Variants in AGMO observed in about 807,000 individuals in gnomAD.
AGMO encodes glyceryl-ether monooxygenase.
In AGMO, 75 loss-of-function variants were observed where a neutral mutation model predicts 60.2. The observed-to-expected ratio is 1.25, with a 90% confidence interval of 1.03 to 1.51. The LOEUF (loss-of-function observed/expected upper bound fraction) is 1.51, where lower values mean the gene tolerates loss of function less well. AGMO is among the 40% of genes most tolerant of loss of function. The probability of loss-of-function intolerance (pLI) is 0.00; values close to 1 mark genes in which losing one functional copy is unlikely to be tolerated. For missense variants in AGMO, 763 were observed against 525.5 expected (o/e 1.45, Z -4.42); for synonymous variants, 261 against 177.1 (o/e 1.47, Z -3.76).
intron 5 of AGMO, among the ~76,000 whole-genome samples, chr7:15,401,434 G>A (rs1784549902): frequency 6.6e-6 from 1 of 152,050 alleles, no homozygotes. Context: ...AAAATATTCA[G>A]TTTGTTCAAA....
chr7:15,488,468 C>A (rs892607517), intron 3 of AGMO, among the ~76,000 whole-genome samples: 1 of 152,116 alleles, frequency 6.6e-6, no homozygotes, highest in East Asian at 1.9e-4. Flanking sequence ...TTTAAGCTAG[C>A]AGCCTCAATA....
the AGMO span, among the ~76,000 whole-genome samples, chr7:15,174,519 C>T: frequency 1.3e-5 from 2 of 152,076 alleles, no homozygotes; most frequent in Non-Finnish European, 2.9e-5. Flanking sequence ...GGTAAGCTCT[C>T]CAACCCAGCT....
chr7:15,390,593 C>T, intron 8 of AGMO, 78 bp downstream of exon 8: 2 of 1,189,396 alleles, frequency 1.7e-6, no homozygotes, highest in East Asian at 2.4e-5. Flanking sequence ...TTTCACTTTT[C>T]TACAGCTGAT....
In AGMO at chr7:15,322,894, A is replaced by G. The variant is rs1407684096; in HGVS notation, c.1263+42620T>C. 4.1e-5 allele frequency among the ~76,000 whole-genome samples: 6 copies of G among 145,244 alleles called. No homozygotes were observed. In the East Asian group the frequency reaches 1.2e-3, roughly 29 times the overall value. On this transcript the variant is annotated intron_variant, in intron 12 of 12. Coordinates refer to ENST00000342526, the MANE Select transcript of AGMO (RefSeq NM_001004320.2). ...AATTATCAAAACTCTTTCTTGATAC[A>G]GGAAAAAATATATATATACACATAT...
intron 3 of AGMO, among the ~76,000 whole-genome samples, chr7:15,508,201 T>G (rs78746312): frequency 0.015 from 2,295 of 152,194 alleles, 59 homozygotes; most frequent in African/African-American, 0.052. Context: ...TTGTTTAAAA[T>G]AATAATACTT....
At chr7:15,190,837 C>A in the AGMO span, among the ~76,000 whole-genome samples, 1 of 151,528 alleles carries the variant, frequency 6.6e-6, no homozygotes, top group South Asian at 2.1e-4. Flanking sequence ...CCATTGCTCT[C>A]ATTTTTTTTT....
intron 12 of AGMO, among the ~76,000 whole-genome samples, chr7:15,304,258 C>G (rs1056465843): frequency 1.3e-5 from 2 of 152,100 alleles, no homozygotes; most frequent in Non-Finnish European, 2.9e-5. Context: ...CTTTTAAAGT[C>G]TCTTTCATCC....
chr7:15,181,380 T>G, the AGMO span, among the ~76,000 whole-genome samples: 1 of 152,164 alleles, frequency 6.6e-6, no homozygotes, highest in Non-Finnish European at 1.5e-5. Context: ...ACAAAACTAC[T>G]TCCTCCTGAG....
At chr7:15,529,487 T>A (rs1202043592) in intron 3 of AGMO, among the ~76,000 whole-genome samples, 1 of 141,326 alleles carries the variant, frequency 7.1e-6, no homozygotes, top group East Asian at 2.1e-4. Context: ...CCCTAGAGAT[T>A]CTAAGATTCT....
intron 3 of AGMO, among the ~76,000 whole-genome samples, chr7:15,484,670 C>T (rs950336517): frequency 2.6e-5 from 4 of 152,056 alleles, no homozygotes; most frequent in African/African-American, 7.2e-5. Context: ...AAAAAAGACA[C>T]GGCAGTAAAC....
chr7:15,538,205 G>A (rs1191853918), intron 3 of AGMO, among the ~76,000 whole-genome samples: 3 of 152,018 alleles, frequency 2.0e-5, no homozygotes, highest in Non-Finnish European at 4.4e-5. Flanking sequence ...TACCCTAAGT[G>A]ATCCACTAAG....
the AGMO span, among the ~76,000 whole-genome samples, chr7:15,194,460 C>T: frequency 1.3e-5 from 2 of 151,742 alleles, no homozygotes; most frequent in Non-Finnish European, 2.9e-5. Flanking sequence ...GTGCATATGC[C>T]CTCTGCAGTT....
chr7:15,218,726 C>T (rs1781823694), intron 12 of AGMO, among the ~76,000 whole-genome samples: 1 of 151,994 alleles, frequency 6.6e-6, no homozygotes, highest in African/African-American at 2.4e-5. Context: ...AGGTGATATT[C>T]CTGCTGGCCT....
intron 12 of AGMO, among the ~76,000 whole-genome samples, chr7:15,359,056 A>G (rs1263573574): frequency 6.6e-6 from 1 of 152,108 alleles, no homozygotes; most frequent in Non-Finnish European, 1.5e-5. Flanking sequence ...TTGGGAGGCC[A>G]AGACAGGCGG....
At position 15,355,318 on chromosome 7, in the gene AGMO, C is replaced by T. The variant is rs527870907; in HGVS notation, c.1263+10196G>A. ...GAGATCGAGACCATCCTGGCTAACACGGTGAAACGCTGTCTCTACTAAAAA... is the reference window on the plus strand; with the variant it reads ...GAGATCGAGACCATCCTGGCTAACATGGTGAAACGCTGTCTCTACTAAAAA... On this transcript the variant is annotated intron_variant, in intron 12 of 12. Transcript: ENST00000342526. 2.2e-4 allele frequency among the ~76,000 whole-genome samples: 34 copies of T among 151,818 alleles called. No individual in the cohort carries two copies. In the South Asian group the frequency reaches 3.5e-3, roughly 16 times the overall value.
chr7:15,130,790 ATATGTCTGGCATTTATGTGTGTGC>A, the AGMO span, among the ~76,000 whole-genome samples: 1 of 152,142 alleles, frequency 6.6e-6, no homozygotes, highest in African/African-American at 2.4e-5. Flanking sequence ...AATCTCAGTG[ATATGTCTGGCATTTATGTGTGTGC>A]TATGTATATA....
the AGMO span, among the ~76,000 whole-genome samples, chr7:15,117,641 G>A: frequency 6.6e-6 from 1 of 151,926 alleles, no homozygotes; most frequent in African/African-American, 2.4e-5. Flanking sequence ...TAATACCCAT[G>A]TAACAAGTAC....
At chr7:15,534,391 T>C (rs1313811485) in intron 3 of AGMO, among the ~76,000 whole-genome samples, 1 of 152,010 alleles carries the variant, frequency 6.6e-6, no homozygotes, top group Non-Finnish European at 1.5e-5. Flanking sequence ...ATAAGTTTGA[T>C]TTACTAGAAA....
chr7:15,477,958 C>T (rs1308405189), intron 3 of AGMO, among the ~76,000 whole-genome samples: 2 of 152,102 alleles, frequency 1.3e-5, no homozygotes, highest in African/African-American at 4.8e-5. Context: ...GAAAGCAACA[C>T]TTTTCTTACT....
Sources: allele counts gnomAD v4.1 joint callset (sites outside exome capture counted in the v4.1 genomes callset), GRCh38; gene constraint gnomAD v4.1.1; transcripts MANE v1.5; gene names NCBI Gene and HGNC (gene_info 2026-07-23, HGNC 2026-07-21).